The following TBC1D12 variants were observed in gnomAD, a reference collection of about 807,000 sequenced individuals.
TBC1D12 encodes the protein TBC1 domain family, member 12.
In TBC1D12, 56 loss-of-function variants were observed where a neutral mutation model predicts 86.7. The observed-to-expected ratio is 0.65, with a 90% CI of 0.52 to 0.81. The LOEUF is 0.81. Among genes scored for constraint, TBC1D12 ranks in the 30% least tolerant of loss-of-function variants. TBC1D12 has a pLI of 0.00. For synonymous variants in TBC1D12, 421 were observed against 411.7 expected, an observed-to-expected ratio of 1.02 and a Z score of -0.27; for missense variants, 1,023 against 1,038.8, an observed-to-expected ratio of 0.98 and a Z score of 0.21.
intron 6 of TBC1D12, 79 bp downstream of exon 6, chr10:94,500,406 C>A: frequency 7.5e-6 from 9 of 1,193,604 alleles, no homozygotes; most frequent in Non-Finnish European, 4.7e-6. Context: ...GTAGAGTGAC[C>A]ATTAAAATAA....
At chr10:94,432,080 A>G (rs1279420807) in intron 1 of TBC1D12, among the ~76,000 whole-genome samples, 3 of 152,140 alleles carry the variant, frequency 2.0e-5, no homozygotes, top group Non-Finnish European at 4.4e-5. Context: ...GTGTTGATTT[A>G]TATTTAAGAA....
At chr10:94,415,488 C>T (rs552413829) in intron 1 of TBC1D12, among the ~76,000 whole-genome samples, 1 of 152,184 alleles carries the variant, frequency 6.6e-6, no homozygotes, top group Non-Finnish European at 1.5e-5. Flanking sequence ...AATCCCAGCA[C>T]TTTGGGAGGC....
intron 1 of TBC1D12, among the ~76,000 whole-genome samples, chr10:94,430,661 A>C (rs1010855193): frequency 1.3e-5 from 2 of 152,180 alleles, no homozygotes; most frequent in Non-Finnish European, 2.9e-5. Context: ...ATGTGAAGCA[A>C]ATGTTAACAT....
Position 94,520,805 on chromosome 10 carries a change from A to G in TBC1D12, c.1762-1150A>G, listed in dbSNP as rs536434103. 3.0e-3 allele frequency among the ~76,000 whole-genome samples: 452 copies of G among 151,760 alleles called. 3 individuals are homozygous for G. Among genetic ancestry groups the G allele is most frequent in the African/African-American group, 0.01 (426 of 41,446 alleles). On this transcript the variant is annotated intron_variant, in intron 9 of 12. Transcript: ENST00000225235. ...CTCCTGAGTAGCTAGGACTACAGGCACCTGCCACCACGCCCGGTTAATTTT... is the reference window on the plus strand; with the variant it reads ...CTCCTGAGTAGCTAGGACTACAGGCGCCTGCCACCACGCCCGGTTAATTTT...
intron 2 of TBC1D12, among the ~76,000 whole-genome samples, chr10:94,459,284 CA>C (rs2055684844): frequency 6.6e-6 from 1 of 152,136 alleles, no homozygotes; most frequent in South Asian, 2.1e-4. Flanking sequence ...GGTGCATTTA[CA>C]AACCTTGAAC....
At chr10:94,489,537 T>G (rs1218034687) in intron 3 of TBC1D12, among the ~76,000 whole-genome samples, 3 of 152,222 alleles carry the variant, frequency 2.0e-5, no homozygotes, top group Non-Finnish European at 4.4e-5. Context: ...TAGTTAAAAT[T>G]TGGTGTTCCT....
intron 7 of TBC1D12, among the ~76,000 whole-genome samples, chr10:94,508,280 A>AT (rs2056485513): frequency 6.6e-6 from 1 of 151,166 alleles, no homozygotes; most frequent in East Asian, 1.9e-4. Context: ...GATAGATATA[A>AT]TTTTATATAA....
At chr10:94,448,597 C>G (rs1589622735) in intron 2 of TBC1D12, among the ~76,000 whole-genome samples, 1 of 152,190 alleles carries the variant, frequency 6.6e-6, no homozygotes, top group East Asian at 1.9e-4. Flanking sequence ...CCACCTTAGC[C>G]TCCCTGGTAG....
At chr10:94,531,910 T>TG (rs61079997) in intron 12 of TBC1D12, among the ~76,000 whole-genome samples, 6,367 of 148,328 alleles carry the variant, frequency 0.043, 496 homozygotes, top group East Asian at 0.17. Context: ...TGTTATGTTA[T>TG]TTTATTGTCA....
In TBC1D12 at chr10:94,447,944, T is replaced by G. The variant is rs76176711; in HGVS notation, c.1095+5925T>G. 2.0e-5 allele frequency among the ~76,000 whole-genome samples: 3 copies of G among 151,378 alleles called. No individual in the cohort carries two copies. In the East Asian group the frequency reaches 5.8e-4, roughly 29 times the overall value. ...ATAATCTCTCAGTGAAACTTACCTT[T>G]TTTTGCTAGGCACTGCTTTTATATT... On this transcript the variant is annotated intron_variant, in intron 2 of 12. Coordinates refer to ENST00000225235, the MANE Select transcript of TBC1D12 (RefSeq NM_015188.2).
chr10:94,470,848 T>A (rs1292737584), intron 2 of TBC1D12, among the ~76,000 whole-genome samples: 1 of 151,986 alleles, frequency 6.6e-6, no homozygotes, highest in East Asian at 1.9e-4. Context: ...AAAGATGAGC[T>A]CATACAATGT....
At chr10:94,421,075 A>G (rs1185544378) in intron 1 of TBC1D12, among the ~76,000 whole-genome samples, 1 of 152,130 alleles carries the variant, frequency 6.6e-6, no homozygotes, top group Non-Finnish European at 1.5e-5. Context: ...ATGCAGTAGA[A>G]CACCAAAACT....
intron 1 of TBC1D12, among the ~76,000 whole-genome samples, chr10:94,405,211 C>T (rs528310079): frequency 1.3e-5 from 2 of 151,764 alleles, no homozygotes; most frequent in South Asian, 2.1e-4. Flanking sequence ...TCTACCTTTT[C>T]GGGGATCTTG....
At chr10:94,523,544 T>C (rs1279188399) in intron 11 of TBC1D12, among the ~76,000 whole-genome samples, 3 of 152,182 alleles carry the variant, frequency 2.0e-5, no homozygotes, top group Non-Finnish European at 4.4e-5. Context: ...TTCTTACATA[T>C]TGTCTGAAAT....
intron 9 of TBC1D12, among the ~76,000 whole-genome samples, chr10:94,517,128 A>G (rs1842015903): frequency 6.6e-6 from 1 of 152,196 alleles, no homozygotes. Flanking sequence ...CTATAACCCT[A>G]GCACTTTGGG....
intron 2 of TBC1D12, among the ~76,000 whole-genome samples, chr10:94,452,085 A>AAAT (rs575008812): frequency 8.9e-4 from 133 of 150,084 alleles, no homozygotes; most frequent in African/African-American, 2.6e-3. Context: ...TATATATTTA[A>AAAT]ATATATGTAT....
chr10:94,495,622 C>T (rs1296306993), intron 4 of TBC1D12, among the ~76,000 whole-genome samples: 2 of 152,106 alleles, frequency 1.3e-5, no homozygotes, highest in Non-Finnish European at 2.9e-5. Context: ...TTTGATACTA[C>T]CTTGGTGTGA....
chr10:94,410,593 T>C (rs1284221163), intron 1 of TBC1D12, among the ~76,000 whole-genome samples: 2 of 151,944 alleles, frequency 1.3e-5, no homozygotes, highest in Admixed American at 1.3e-4. Flanking sequence ...CTAGGAAGGG[T>C]AGGGTTTATT....
chr10:94,402,939 G>T lies in TBC1D12; in HGVS notation c.326G>T (p.Cys109Phe), dbSNP rs772103533. The T allele has an allele frequency of 3.2e-6, 5 of 1,552,870 alleles. No homozygotes were observed. In the African/African-American group the frequency reaches 7.1e-5, roughly 22 times the overall value. Residue 109 changes from cysteine to phenylalanine, a missense_variant, in exon 1 of 13, where the codon TGC becomes TTC. Coordinates refer to ENST00000225235, the MANE Select transcript of TBC1D12 (RefSeq NM_015188.2). ...TCGGCAGCCCCACGATCGGACGCCTGCCTGCTGGGCTCGGGCTCCAAACAC... is the reference window on the plus strand; with the variant it reads ...TCGGCAGCCCCACGATCGGACGCCTTCCTGCTGGGCTCGGGCTCCAAACAC... ...PPSAAPRSDA[C>F]LLGSGSKHRG...
Sources: allele counts gnomAD v4.1 joint callset (sites outside exome capture counted in the v4.1 genomes callset), GRCh38; gene constraint gnomAD v4.1.1; transcripts MANE v1.5; gene names NCBI Gene and HGNC (gene_info 2026-07-23, HGNC 2026-07-21).